Variants in CDH18 observed in about 807,000 individuals in gnomAD.
CDH18 encodes the protein cadherin-18.
In CDH18, 31 loss-of-function variants were observed where a neutral mutation model predicts 67.9. That is an observed-to-expected ratio of 0.46 (90% CI 0.34 to 0.62). CDH18 has a LOEUF of 0.62. Among genes scored for constraint, CDH18 ranks in the 20% least tolerant of loss-of-function variants. The probability of loss-of-function intolerance (pLI) is 0.01; values close to 1 mark genes in which losing one functional copy is unlikely to be tolerated. For missense variants in CDH18, 890 were observed against 975.5 expected (o/e 0.91, Z 1.17); for synonymous variants, 362 against 347.2 (o/e 1.04, Z -0.48).
intron 6 of CDH18, among the ~76,000 whole-genome samples, chr5:19,603,179 T>C (rs562350640): frequency 6.6e-6 from 1 of 152,214 alleles, no homozygotes; most frequent in South Asian, 2.1e-4. Context: ...TTAATTATCA[T>C]TACAAAATAA....
At chr5:20,274,601 A>T in intron 1 of CDH18, among the ~76,000 whole-genome samples, 1 of 152,174 alleles carries the variant, frequency 6.6e-6, no homozygotes, top group East Asian at 1.9e-4. Flanking sequence ...TGTGTAGCTT[A>T]TATACATCAG....
At chr5:20,436,611 T>C (rs1326307866) in intron 1 of CDH18, among the ~76,000 whole-genome samples, 1 of 151,478 alleles carries the variant, frequency 6.6e-6, no homozygotes. Flanking sequence ...TAAATATATA[T>C]AAACATGTAT....
intron 5 of CDH18, among the ~76,000 whole-genome samples, chr5:19,680,943 C>T (rs183040131): frequency 3.4e-4 from 52 of 152,010 alleles, no homozygotes; most frequent in African/African-American, 1.3e-3. Flanking sequence ...AATTATTCTA[C>T]TATAAAGACA....
intron 5 of CDH18, among the ~76,000 whole-genome samples, chr5:19,617,912 T>C (rs1387046424): frequency 1.3e-5 from 2 of 152,174 alleles, no homozygotes; most frequent in Non-Finnish European, 2.9e-5. Flanking sequence ...TAGCCTACCA[T>C]ATGTTTATGC....
At chr5:20,473,231 CA>C (rs1049083486) in intron 1 of CDH18, among the ~76,000 whole-genome samples, 8 of 151,676 alleles carry the variant, frequency 5.3e-5, no homozygotes, top group Admixed American at 2.0e-4. Flanking sequence ...AAAACAAAAA[CA>C]AAAAATTAAA....
chr5:20,569,062 C>T (rs1246365095), intron 1 of CDH18, among the ~76,000 whole-genome samples: 2 of 152,182 alleles, frequency 1.3e-5, no homozygotes. Context: ...CATTAACCCA[C>T]CTATTATACT....
At chr5:19,942,980 C>T (rs1468588168) in intron 2 of CDH18, among the ~76,000 whole-genome samples, 2 of 152,112 alleles carry the variant, frequency 1.3e-5, no homozygotes, top group African/African-American at 4.8e-5. Context: ...ATACTCTCTG[C>T]CAGGTGACCC....
intron 2 of CDH18, among the ~76,000 whole-genome samples, chr5:19,978,584 T>A (rs1798724265): frequency 6.6e-6 from 1 of 152,144 alleles, no homozygotes; most frequent in Non-Finnish European, 1.5e-5. Flanking sequence ...AAGTCTGACA[T>A]AAGTCTCAAC....
In CDH18 at chr5:20,242,249, A is replaced by G. The variant is rs545414560; in HGVS notation, c.-518+13195T>C. Among the ~76,000 whole-genome samples the G allele has an allele frequency of 2.6e-5, 4 of 152,100 alleles. No homozygotes were observed. In the South Asian group the frequency reaches 8.3e-4, roughly 32 times the overall value. Reference sequence around the variant, plus strand: ...TGGAATGGTTAAATTAGGATAATAAACAAACTTATCACCTAACGTGATTAT... The same window carrying G: ...TGGAATGGTTAAATTAGGATAATAAGCAAACTTATCACCTAACGTGATTAT... On this transcript the variant is annotated intron_variant, in intron 2 of 14. Transcript: ENST00000507958.
At chr5:19,639,780 T>C (rs1279297338) in intron 5 of CDH18, among the ~76,000 whole-genome samples, 10 of 152,210 alleles carry the variant, frequency 6.6e-5, no homozygotes, top group African/African-American at 2.2e-4. Flanking sequence ...ACATATCACA[T>C]CCTATTGCAA....
intron 1 of CDH18, among the ~76,000 whole-genome samples, chr5:19,986,752 A>G (rs927262496): frequency 3.9e-5 from 6 of 152,314 alleles, no homozygotes; most frequent in African/African-American, 1.4e-4. Context: ...ATCACATCCT[A>G]TCTTCTTCCT....
intron 2 of CDH18, among the ~76,000 whole-genome samples, chr5:19,906,237 A>G (rs1051548613): frequency 9.2e-5 from 14 of 152,072 alleles, no homozygotes; most frequent in African/African-American, 2.4e-4. Flanking sequence ...ATAGACATTA[A>G]TTATGTAGGT....
intron 3 of CDH18, among the ~76,000 whole-genome samples, chr5:19,803,242 T>A (rs1018682595): frequency 6.6e-6 from 1 of 152,188 alleles, no homozygotes; most frequent in Non-Finnish European, 1.5e-5. Context: ...TTTTTACATA[T>A]TAGAGTTAGG....
chr5:19,882,762 T>C (rs1485523900), intron 2 of CDH18, among the ~76,000 whole-genome samples: 2 of 152,092 alleles, frequency 1.3e-5, no homozygotes, highest in South Asian at 2.1e-4. Context: ...TTAGAATTAA[T>C]GCCCTAAGAG....
chr5:20,164,253 C>T (rs181860903), intron 2 of CDH18, among the ~76,000 whole-genome samples: 2 of 152,066 alleles, frequency 1.3e-5, no homozygotes, highest in Non-Finnish European at 2.9e-5. Flanking sequence ...TCTTAAATAT[C>T]TTTCTAAATC....
intron 3 of CDH18, among the ~76,000 whole-genome samples, chr5:19,764,320 T>C (rs1056141620): frequency 1.1e-4 from 16 of 152,024 alleles, no homozygotes; most frequent in African/African-American, 3.9e-4. Context: ...ATTAAAATAA[T>C]AGTATAAATG....
chr5:19,590,903 G>C (rs1167393586), intron 7 of CDH18, among the ~76,000 whole-genome samples, 154 bp downstream of exon 7: 1 of 151,988 alleles, frequency 6.6e-6, no homozygotes, highest in African/African-American at 2.4e-5. Context: ...CTAAACAGTT[G>C]ACAAACAACA....
intron 2 of CDH18, among the ~76,000 whole-genome samples, chr5:20,008,655 T>C (rs948866511): frequency 3.9e-5 from 6 of 152,164 alleles, no homozygotes; most frequent in Non-Finnish European, 8.8e-5. Flanking sequence ...GGTTTTAGTT[T>C]CCAGCACAAG....
chr5:20,036,085 T>C (rs1178154362), intron 2 of CDH18, among the ~76,000 whole-genome samples: 1 of 152,020 alleles, frequency 6.6e-6, no homozygotes, highest in Non-Finnish European at 1.5e-5. Flanking sequence ...GACAAAATTA[T>C]TTATAAAATC....
Sources: gnomAD v4.1 joint callset for allele counts (sites outside exome capture counted in the v4.1 genomes callset) on GRCh38, gnomAD v4.1.1 for gene constraint, MANE v1.5 for transcripts, NCBI Gene and HGNC (gene_info 2026-07-23, HGNC 2026-07-21) for gene names.